BTBD2: variants seen among roughly 807,000 people sequenced by gnomAD.
BTBD2 encodes the protein BTB/POZ domain-containing protein 2.
A neutral mutation model predicts 44.0 loss-of-function variants in BTBD2; 15 were observed. The ratio of observed to expected loss-of-function variants is 0.34; its 90% CI spans 0.23 to 0.53. The LOEUF (loss-of-function observed/expected upper bound fraction) is 0.53, where lower values mean the gene tolerates loss of function less well. BTBD2 is among the 20% of genes least tolerant of loss of function. BTBD2 has a pLI of 0.95. For synonymous variants in BTBD2, 443 were observed against 335.9 expected (o/e 1.32, Z -3.49); for missense variants, 657 against 746.4 (o/e 0.88, Z 1.39).
At chr19:1,997,497 C>T (rs201069542) in intron 1 of BTBD2, 34 bp from the exon 2 acceptor site, 61 of 1,611,848 alleles carry the variant, frequency 3.8e-5, no homozygotes, top group African/African-American at 2.8e-4. Flanking sequence ...TGGTTAAGCC[C>T]GTGGCCGCCA....
intron 1 of BTBD2, among the ~76,000 whole-genome samples, chr19:2,013,265 C>A (rs916525976): frequency 6.6e-5 from 10 of 152,326 alleles, no homozygotes; most frequent in African/African-American, 2.4e-4. Flanking sequence ...CCAGCCCCTG[C>A]CCCCGACCAA....
chr19:2,003,792 A>G lies in BTBD2; in HGVS notation c.408-6329T>C, dbSNP rs1177308938. On this transcript the variant is annotated intron_variant, in intron 1 of 8. Transcript: ENST00000255608. ...GTCAAAGAAAAAAAAAAAAAAGAGA[A>G]AGAAAAGAAAAGAAAAGAAAAAGGA... 5.6e-3 allele frequency among the ~76,000 whole-genome samples: 628 copies of G among 112,432 alleles called. 5 individuals carry two copies. Among genetic ancestry groups the G allele is most frequent in the African/African-American group, 0.017 (584 of 34,936 alleles). 73.8% of individuals were successfully genotyped at this position (112,432 alleles called of 152,430 possible).
Position 1,990,192 on chromosome 19 carries a change from A to G in BTBD2, c.800T>C (p.Val267Ala), listed in dbSNP as rs1292705080. ...GFTDIDLDTL[V>A]AVLERDTLGI... ...CAGTGTGTCGCGCTCCAGGACAGCC[A>G]CCAGCGTGTCTGTGGGGTGGAGGAA... is the stretch of plus-strand genomic sequence containing the variant. Residue 267 changes from valine to alanine, a missense_variant, in exon 5 of 9, where the codon GTG becomes GCG. Val to Ala is a moderately conservative substitution (Grantham distance 64). Coordinates refer to ENST00000255608, the MANE Select transcript of BTBD2 (RefSeq NM_017797.4). 1 of 1,598,242 alleles carries G rather than the reference A, an allele frequency of 6.3e-7. No homozygotes were observed. The highest frequency in any genetic ancestry group is 8.5e-7 in the Non-Finnish European group (1 of 1,173,464).
At chr19:2,012,016 G>A (rs556836368) in intron 1 of BTBD2, among the ~76,000 whole-genome samples, 20 of 151,958 alleles carry the variant, frequency 1.3e-4, no homozygotes, top group Non-Finnish European at 2.4e-4. Flanking sequence ...CACCACACCC[G>A]GCTAATTTTT....
At chr19:1,999,154 G>C (rs1253646181) in intron 1 of BTBD2, among the ~76,000 whole-genome samples, 1 of 152,112 alleles carries the variant, frequency 6.6e-6, no homozygotes, top group East Asian at 1.9e-4. Flanking sequence ...AACCCCGCAG[G>C]CCCTCAGCCC....
intron 7 of BTBD2, 56 bp downstream of exon 7, chr19:1,987,110 G>T: frequency 6.3e-7 from 1 of 1,597,542 alleles, no homozygotes; most frequent in Non-Finnish European, 8.6e-7. Context: ...TTCCATGGAG[G>T]TGGAGAGAGG....
chr19:1,993,226 C>G, intron 2 of BTBD2, 50 bp from the exon 3 acceptor site: 1 of 1,560,588 alleles, frequency 6.4e-7, no homozygotes. Context: ...ATGCCCGCCC[C>G]CAGGGGAGAG....
At chr19:1,993,688 T>C (rs2016212079) in intron 2 of BTBD2, among the ~76,000 whole-genome samples, 1 of 151,976 alleles carries the variant, frequency 6.6e-6, no homozygotes, top group African/African-American at 2.4e-5. Flanking sequence ...AGATCAGAAG[T>C]TGGGCCGATC....
intron 1 of BTBD2, among the ~76,000 whole-genome samples, chr19:1,998,576 G>C (rs954258351): frequency 6.6e-6 from 1 of 152,332 alleles, no homozygotes; most frequent in East Asian, 1.9e-4. Context: ...AGGCAGGAGG[G>C]TGCGGTGAGC....
intron 1 of BTBD2, among the ~76,000 whole-genome samples, chr19:2,006,960 C>T (rs922851923): frequency 6.6e-6 from 1 of 152,170 alleles, no homozygotes; most frequent in African/African-American, 2.4e-5. Flanking sequence ...CAGGTTCAAG[C>T]AATTCTCCTG....
intron 1 of BTBD2, chr19:2,013,984 T>C (rs1317557042): frequency 1.4e-5 from 2 of 140,122 alleles, no homozygotes; most frequent in Non-Finnish European, 3.1e-5. Context: ...GAGTCATAGG[T>C]TGGGGGTTAC....
intron 1 of BTBD2, 67 bp from the exon 2 acceptor site, chr19:1,997,530 C>T: frequency 6.3e-7 from 1 of 1,597,928 alleles, no homozygotes; most frequent in South Asian, 1.1e-5. Flanking sequence ...GAGGGCCAGC[C>T]CGGTATCCTG....
intron 1 of BTBD2, chr19:2,014,561 G>A (rs998713528): frequency 6.5e-6 from 1 of 153,530 alleles, no homozygotes; most frequent in African/African-American, 2.4e-5. Context: ...TGGGGACCTG[G>A]GGTGCAGGGA....
intron 1 of BTBD2, among the ~76,000 whole-genome samples, chr19:2,010,886 T>C (rs1190623398): frequency 3.3e-5 from 5 of 152,096 alleles, no homozygotes; most frequent in Non-Finnish European, 5.9e-5. Context: ...TGTCTGCCCA[T>C]CTCGGCCTCC....
intron 1 of BTBD2, among the ~76,000 whole-genome samples, chr19:2,012,021 A>G (rs935215155): frequency 6.7e-6 from 1 of 149,626 alleles, no homozygotes; most frequent in Admixed American, 6.7e-5. Flanking sequence ...CACCCGGCTA[A>G]TTTTTTGTAT....
At position 1,989,985 on chromosome 19, in the gene BTBD2, T is replaced by C. The variant is rs761068458; in HGVS notation, c.988+19A>G. 4 of 1,611,828 alleles carry C rather than the reference T, an allele frequency of 2.5e-6. No individual in the cohort carries two copies. Among genetic ancestry groups the C allele is most frequent in the Non-Finnish European group, 3.4e-6 (4 of 1,179,392 alleles). On this transcript the variant is annotated intron_variant, in intron 5 of 8. Transcript: ENST00000255608. Reference sequence around the variant, plus strand: ...GCCACTCCCCTCCCAAACCAGCCCCTGAGCCCGAGCTCTGTTACCTGCAGC... The same window carrying C: ...GCCACTCCCCTCCCAAACCAGCCCCCGAGCCCGAGCTCTGTTACCTGCAGC...
In BTBD2 at chr19:1,986,959, G is replaced by A. The variant is rs1228139420; in HGVS notation, c.1287C>T (p.Ser429=). ...QVNIQIIHTD[S]NTVLGQNDTG... ...TGTCGTTCTGGCCCAAGACGGTGTTGCTATCGGTGTGAATAATCTGCGGGG... is the reference window on the plus strand; with the variant it reads ...TGTCGTTCTGGCCCAAGACGGTGTTACTATCGGTGTGAATAATCTGCGGGG... Residue 429 remains serine, a synonymous_variant, in exon 8 of 9, where the codon AGC becomes AGT. Transcript: ENST00000255608. 6.2e-7 allele frequency: 1 copy of A among 1,612,702 alleles called. No homozygotes were observed. Among genetic ancestry groups the A allele is most frequent in the Non-Finnish European group, 8.5e-7 (1 of 1,179,528 alleles).
At chr19:2,012,639 T>C (rs1198450426) in intron 1 of BTBD2, among the ~76,000 whole-genome samples, 2 of 152,172 alleles carry the variant, frequency 1.3e-5, no homozygotes, top group Admixed American at 6.5e-5. Context: ...TAACCCCGCA[T>C]GTCGAGGGTC....
chr19:1,986,180 C>A lies in BTBD2; in HGVS notation c.*308G>T. 1 of 382,058 alleles carries A rather than the reference C, an allele frequency of 2.6e-6. No homozygotes were observed. 23.7% of individuals were successfully genotyped at this position (382,058 alleles called of 1,614,324 possible). On this transcript the variant is annotated 3_prime_UTR_variant, in exon 9 of 9. Coordinates refer to ENST00000255608, the MANE Select transcript of BTBD2 (RefSeq NM_017797.4). ...ACCGCCGGCAGACGACGTGGGCAGG[C>A]GCCCTGAGCTGCGGGTCCGTGGGCC...
Sources: gnomAD v4.1 joint callset for allele counts (sites outside exome capture counted in the v4.1 genomes callset) on GRCh38, gnomAD v4.1.1 for gene constraint, MANE v1.5 for transcripts, NCBI Gene and HGNC (gene_info 2026-07-23, HGNC 2026-07-21) for gene names.